Variants in NRP2 observed in about 807,000 individuals in gnomAD.
NRP2 encodes the protein neuropilin 2.
A neutral mutation model predicts 110.4 loss-of-function variants in NRP2; 52 were observed. The ratio of observed to expected loss-of-function variants is 0.47; its 90% CI spans 0.38 to 0.59. The LOEUF (loss-of-function observed/expected upper bound fraction) is 0.59, where lower values mean the gene tolerates loss of function less well. NRP2 is among the 20% of genes least tolerant of loss of function. The pLI is 0.00. For synonymous variants in NRP2, 508 were observed against 468.9 expected, an observed-to-expected ratio of 1.08 and a Z score of -1.08; for missense variants, 1,049 against 1,203.0, an observed-to-expected ratio of 0.87 and a Z score of 1.89.
At chr2:205,753,017 G>A in intron 12 of NRP2, 42 bp downstream of exon 12, 2 of 1,611,458 alleles carry the variant, frequency 1.2e-6, no homozygotes, top group South Asian at 2.2e-5. Flanking sequence ...GTTAAGGCCA[G>A]CTTGTTCCAC....
In NRP2 at chr2:205,725,954, A is replaced by T; in HGVS notation, c.862A>T (p.Ile288Phe). The stretch of plus-strand genomic sequence containing the variant: ...TCCTCTGGGCATGGAGTCTGGCCGG[A>T]TTGCTAATGAACAGATCAGTGCCTC... ...NVPLGMESGRIANEQISASST... is the reference protein window; with the variant it reads ...NVPLGMESGRFANEQISASST... Residue 288 changes from isoleucine (I) to phenylalanine (F), a missense_variant, in exon 6 of 17, where the codon ATT becomes TTT. Transcript: ENST00000357785. This position sits in a 1 kb window ranked among gnomAD's most constrained non-coding sequence, Gnocchi z 4.1. 1.2e-6 allele frequency: 2 copies of T among 1,614,152 alleles called. No individual in the cohort carries two copies. Among genetic ancestry groups the T allele is most frequent in the Non-Finnish European group, 1.7e-6 (2 of 1,180,024 alleles).
chr2:205,721,460 G>A (rs2057010437), intron 3 of NRP2, among the ~76,000 whole-genome samples: 1 of 152,180 alleles, frequency 6.6e-6, no homozygotes, highest in Non-Finnish European at 1.5e-5. Flanking sequence ...CCATGGGTCT[G>A]GGTTGCAGTG....
At position 205,752,924 on chromosome 2, in the gene NRP2, C is replaced by T; in HGVS notation, c.1993C>T (p.Leu665Phe). 3 of 1,614,126 alleles carry T rather than the reference C, an allele frequency of 1.9e-6. No individual in the cohort carries two copies. The highest frequency in any genetic ancestry group is 2.5e-6 in the Non-Finnish European group (3 of 1,180,038). ...TTGGATGTATGACCATGCCAAGTGG[C>T]TCCGGACCACCTGGGCCAGCAGCTC... ...CGWMYDHAKW[L>F]RTTWASSSSP... is the part of the protein sequence containing the mutation. Residue 665 changes from leucine to phenylalanine, a missense_variant, in exon 12 of 17, where the codon CTC becomes TTC. Leu to Phe is a conservative substitution (Grantham distance 22). Transcript: ENST00000357785.
At position 205,723,810 on chromosome 2, in the gene NRP2, T is replaced by C. The variant is rs1399033517; in HGVS notation, c.690T>C (p.Cys230=). Residue 230 remains cysteine (C), a synonymous_variant, in exon 5 of 17, where the codon TGT becomes TGC. Coordinates refer to ENST00000357785, the MANE Select transcript of NRP2 (RefSeq NM_003872.3). ...PHVGPLIGKY[C]GTKTPSELRS... ...TTGGCCCCCTGATTGGCAAGTACTG[T>C]GGGACCAAAACACCCTCTGAACTTC... The C allele has an allele frequency of 6.2e-7, 1 of 1,614,224 alleles. No individual in the cohort carries two copies. Among genetic ancestry groups the C allele is most frequent in the Non-Finnish European group, 8.5e-7 (1 of 1,180,042 alleles).
intron 7 of NRP2, 41 bp downstream of exon 7, chr2:205,728,087 G>C (rs745865123): frequency 9.3e-6 from 15 of 1,613,092 alleles, no homozygotes; most frequent in Non-Finnish European, 1.2e-5. Context: ...TTGGACCAGG[G>C]CAGGAGGGAT....
chr2:205,765,369 TACAC>T (rs1020023939), intron 13 of NRP2, 101 bp from the exon 14 acceptor site: 3 of 710,600 alleles, frequency 4.2e-6, no homozygotes, highest in Non-Finnish European at 4.9e-6. Flanking sequence ...CACACACACA[TACAC>T]ACACACGCTT....
intron 6 of NRP2, among the ~76,000 whole-genome samples, chr2:205,727,618 A>G (rs991747036): frequency 7.7e-4 from 117 of 152,346 alleles, no homozygotes; most frequent in African/African-American, 2.6e-3. Context: ...TAGATGTTCA[A>G]TGATTGAGAA....
At chr2:205,774,108 G>A (rs2058063033) in intron 15 of NRP2, among the ~76,000 whole-genome samples, 2 of 152,174 alleles carry the variant, frequency 1.3e-5, no homozygotes, top group Admixed American at 6.5e-5. Context: ...TGTTTCCTGT[G>A]CATTTTTGTA....
chr2:205,735,204 G>A (rs1014392069), intron 7 of NRP2, among the ~76,000 whole-genome samples: 21 of 150,698 alleles, frequency 1.4e-4, no homozygotes, highest in African/African-American at 5.1e-4. Flanking sequence ...AAAGATGAAT[G>A]GTATATAAGA....
intron 16 of NRP2, among the ~76,000 whole-genome samples, chr2:205,794,133 C>T (rs1056587477): frequency 3.3e-5 from 5 of 152,080 alleles, no homozygotes; most frequent in East Asian, 1.9e-4. Flanking sequence ...TTTTTGGAGA[C>T]GGAGTCTCGC....
In NRP2 at chr2:205,716,256, T is replaced by C. The variant is rs1179584904; in HGVS notation, c.315T>C (p.Cys105=). Residue 105 remains cysteine, a synonymous_variant, in exon 3 of 17, where the codon TGT becomes TGC. Transcript: ENST00000357785. ...CCGCAGACCTCCTGGGCAAACACTG[T>C]GGGAACATCGCCCCGCCCACCATCA... ...SESADLLGKH[C]GNIAPPTIIS... 2 of 1,614,124 alleles carry C rather than the reference T, an allele frequency of 1.2e-6. No homozygotes were observed. The highest frequency in any genetic ancestry group is 2.7e-5 in the African/African-American group (2 of 75,020).
rs546801989 is a variant in NRP2 at position 205,755,256 on chromosome 2, G to A, written c.2044+2281G>A. The stretch of plus-strand genomic sequence containing the variant: ...GGGCTTTTCAGAGCAAGCTCACAAA[G>A]TGGGCAGAATTCCAACCTTTGGCTG... On this transcript the variant is annotated intron_variant, in intron 12 of 16. Coordinates refer to ENST00000357785, the MANE Select transcript of NRP2 (RefSeq NM_003872.3). Among the ~76,000 whole-genome samples the A allele has an allele frequency of 4.9e-4, 75 of 152,332 alleles. 1 individual carries two copies. Among genetic ancestry groups the A allele is most frequent in the African/African-American group, 1.8e-3 (74 of 41,582 alleles).
At chr2:205,727,193 C>T (rs1281298632) in intron 6 of NRP2, among the ~76,000 whole-genome samples, 1 of 152,186 alleles carries the variant, frequency 6.6e-6, no homozygotes, top group Non-Finnish European at 1.5e-5. Context: ...TGTGTGCTAG[C>T]TACATTTTGG....
chr2:205,748,127 G>A (rs1010442825), intron 10 of NRP2, among the ~76,000 whole-genome samples: 1 of 152,088 alleles, frequency 6.6e-6, no homozygotes, highest in Non-Finnish European at 1.5e-5. Flanking sequence ...TGCCTCATTG[G>A]CCCCTGGGTT....
Position 205,716,382 on chromosome 2 carries a change from T to G in NRP2, c.433+8T>G, listed in dbSNP as rs767624307. ...ACGAGATCTTCAAGACAGGTCAGTG[T>G]GGTCACACGTAGGGGCCGGGAGATG... On this transcript the variant is annotated splice_region_variant and intron_variant, in intron 3 of 16. Coordinates refer to ENST00000357785, the MANE Select transcript of NRP2 (RefSeq NM_003872.3). 40 of 1,612,898 alleles carry G rather than the reference T, an allele frequency of 2.5e-5. No homozygotes were observed. Among genetic ancestry groups the G allele is most frequent in the Non-Finnish European group, 3.3e-5 (39 of 1,179,876 alleles).
chr2:205,687,865 G>C (rs917804902), intron 1 of NRP2, among the ~76,000 whole-genome samples: 13 of 152,182 alleles, frequency 8.5e-5, no homozygotes, highest in Admixed American at 2.6e-4. Flanking sequence ...AGTGAGGCAC[G>C]AATACAAATG....
At chr2:205,731,602 C>G (rs1255411176) in intron 7 of NRP2, among the ~76,000 whole-genome samples, 1 of 152,186 alleles carries the variant, frequency 6.6e-6, no homozygotes, top group East Asian at 1.9e-4. Flanking sequence ...CTTCAGTTCC[C>G]TCTCATTCGG....
chr2:205,790,007 G>A (rs2058281114), intron 15 of NRP2, among the ~76,000 whole-genome samples: 1 of 152,120 alleles, frequency 6.6e-6, no homozygotes, highest in African/African-American at 2.4e-5. Context: ...TTTAAGGCTT[G>A]GTGAACAGAT....
chr2:205,787,758 GAGAA>G (rs2058251612), intron 15 of NRP2, among the ~76,000 whole-genome samples: 6 of 151,490 alleles, frequency 4.0e-5, no homozygotes, highest in Admixed American at 3.3e-4. Context: ...GTGTGTGTCA[GAGAA>G]AGAGAGAGTG....
Sources: gnomAD v4.1 joint callset for allele counts (sites outside exome capture counted in the v4.1 genomes callset) on GRCh38, gnomAD v4.1.1 for gene constraint, Gnocchi (gnomAD v3.1) non-coding constraint, MANE v1.5 for transcripts, NCBI Gene and HGNC (gene_info 2026-07-23, HGNC 2026-07-21) for gene names.